The following TBC1D32 variants were observed in gnomAD, a reference collection of about 807,000 sequenced individuals.
The protein encoded by TBC1D32 is TBC1 domain family member 32, also known as protein broad-minded.
A neutral mutation model predicts 170.3 loss-of-function variants in TBC1D32; 151 were observed. The observed-to-expected ratio is 0.89, with a 90% confidence interval of 0.78 to 1.01. The LOEUF (loss-of-function observed/expected upper bound fraction) is 1.01. Among genes scored for constraint, TBC1D32 ranks in the 50% least tolerant of loss-of-function variants. The pLI is 0.00. For missense variants in TBC1D32, 1,464 were observed against 1,457.1 expected, an observed-to-expected ratio of 1.00 and a Z score of -0.08; for synonymous variants, 498 against 488.0, an observed-to-expected ratio of 1.02 and a Z score of -0.27.
intron 29 of TBC1D32, among the ~76,000 whole-genome samples, chr6:121,110,033 C>T (rs1779053114): frequency 2.6e-5 from 4 of 151,732 alleles, no homozygotes; most frequent in South Asian, 2.1e-4. Context: ...TGGCAGAGCA[C>T]GAAGTCAGGA....
At chr6:121,275,118 G>A (rs778077266) in intron 15 of TBC1D32, among the ~76,000 whole-genome samples, 7 of 152,158 alleles carry the variant, frequency 4.6e-5, no homozygotes, top group Non-Finnish European at 1.0e-4. Flanking sequence ...GTATTGCACC[G>A]ATGGAGAATG....
chr6:121,326,634 C>T (rs1314144343), intron 1 of TBC1D32, among the ~76,000 whole-genome samples: 1 of 152,018 alleles, frequency 6.6e-6, no homozygotes, highest in African/African-American at 2.4e-5. Flanking sequence ...TACCTATGAC[C>T]ACAGTAATAT....
rs1375498801 is a variant in TBC1D32 at position 121,113,169 on chromosome 6, T to C, written c.3062A>G (p.Lys1021Arg). The change falls in exon 28 of 32, where the codon AAA becomes AGA. Residue 1021 changes from lysine to arginine, a missense_variant. This residue lies in a region of TBC1D32 where 1,363 missense variants were observed against 1,338.1 expected (regional missense o/e 1.02). Transcript: ENST00000398212. ...ACCATCTTTTAAGAGACTGAGGAAT[T>C]TGCCATACCTATATTAAAAGCCCAC... The part of the protein sequence containing the change: ...LGIKMTVRYG[K>R]FLSLLKDGAE... 4 of 1,601,836 alleles carry C rather than the reference T, an allele frequency of 2.5e-6. No homozygotes were observed. Among genetic ancestry groups the C allele is most frequent in the Non-Finnish European group, 3.4e-6 (4 of 1,175,380 alleles).
At chr6:121,200,222 T>C (rs1791360337) in intron 22 of TBC1D32, among the ~76,000 whole-genome samples, 1 of 151,386 alleles carries the variant, frequency 6.6e-6, no homozygotes, top group African/African-American at 2.5e-5. Flanking sequence ...TTAATATATA[T>C]TTAACTAAGA....
At position 121,308,712 on chromosome 6, in the gene TBC1D32, G is replaced by A. The variant is rs542180431; in HGVS notation, c.565-611C>T. ...TTTTTTTTTTTTTTTTTTTTGAGAC[G>A]GAGTCTCGCTCTGTCGCCCAGGCCA... On this transcript the variant is annotated intron_variant, in intron 4 of 31. Coordinates refer to ENST00000398212, the MANE Select transcript of TBC1D32 (RefSeq NM_152730.6). Among the ~76,000 whole-genome samples, 34 of 45,998 alleles carry A rather than the reference G, an allele frequency of 7.4e-4. No homozygotes were observed. In the South Asian group the frequency reaches 0.032, roughly 43 times the overall value. The allele number at this position is 45,998 out of a possible 152,430, so 30.2% of individuals were successfully genotyped here. A position where few individuals can be genotyped will look rare whatever the true frequency, so the allele number is the denominator to read the frequency against.
In TBC1D32 at chr6:121,255,319, T is replaced by G; in HGVS notation, c.2018+9A>C. Reference sequence around the variant, plus strand: ...TAATAAATGCATGACTTTCATCAATTGTACTTACATGTTTTGGGATTCCTG... The same window carrying G: ...TAATAAATGCATGACTTTCATCAATGGTACTTACATGTTTTGGGATTCCTG... On this transcript the variant is annotated intron_variant, in intron 17 of 31. Transcript: ENST00000398212. 1 of 1,506,750 alleles carries G rather than the reference T, an allele frequency of 6.6e-7. No individual in the cohort carries two copies. Among genetic ancestry groups the G allele is most frequent in the South Asian group, 1.3e-5 (1 of 79,772 alleles). 93.3% of individuals were successfully genotyped at this position (1,506,750 alleles called of 1,614,324 possible).
intron 22 of TBC1D32, among the ~76,000 whole-genome samples, chr6:121,169,361 T>C (rs923357204): frequency 1.1e-4 from 16 of 152,090 alleles, no homozygotes; most frequent in Non-Finnish European, 1.5e-5. Context: ...GAACTGGCTA[T>C]CTATTTGCAG....
intron 29 of TBC1D32, among the ~76,000 whole-genome samples, chr6:121,110,055 T>C (rs1779055208): frequency 1.3e-5 from 2 of 151,780 alleles, no homozygotes; most frequent in Admixed American, 6.6e-5. Context: ...ATCGAGACCA[T>C]CCTGGCTAAC....
chr6:121,235,383 G>A (rs1450949021), intron 20 of TBC1D32, among the ~76,000 whole-genome samples: 2 of 152,118 alleles, frequency 1.3e-5, no homozygotes, highest in African/African-American at 2.4e-5. Context: ...GCAGGGAGAG[G>A]CGTGTCTGAG....
intron 15 of TBC1D32, among the ~76,000 whole-genome samples, chr6:121,261,165 GA>G (rs1799715869): frequency 6.6e-6 from 1 of 152,164 alleles, no homozygotes; most frequent in African/African-American, 2.4e-5. Context: ...AAGAAGGGGT[GA>G]CCGCAGTCTC....
At chr6:121,259,605 C>G (rs1025262099) in intron 15 of TBC1D32, among the ~76,000 whole-genome samples, 2 of 151,922 alleles carry the variant, frequency 1.3e-5, no homozygotes, top group Non-Finnish European at 2.9e-5. Context: ...CCCCCAAAGA[C>G]AAGGAGAATG....
rs548490962 is a variant in TBC1D32, at chr6:121,112,634, G to A, written c.3195C>T (p.Gly1065=). ...ACAGAGAAGATACAAACCAGTCATG[G>A]CCAGCATAATTCCCTTGCAGGCAGA... ...SLLCLQGNYA[G]HDWFVSSLFM... Residue 1065 remains glycine (G), a synonymous_variant, in exon 29 of 32, where the codon GGC becomes GGT. Coordinates refer to ENST00000398212, the MANE Select transcript of TBC1D32 (RefSeq NM_152730.6). 3 of 1,595,828 alleles carry A rather than the reference G, an allele frequency of 1.9e-6. No homozygotes were observed. In the South Asian group the frequency reaches 3.5e-5, roughly 18 times the overall value.
intron 20 of TBC1D32, among the ~76,000 whole-genome samples, chr6:121,234,872 G>A (rs1413926897): frequency 6.6e-6 from 1 of 152,030 alleles, no homozygotes; most frequent in Non-Finnish European, 1.5e-5. Flanking sequence ...GGGATTCAAG[G>A]GCTGCTGTTC....
chr6:121,239,221 G>C (rs776532989), intron 19 of TBC1D32, 33 bp from the exon 20 acceptor site: 1 of 1,284,986 alleles, frequency 7.8e-7, no homozygotes. Context: ...GTCATTTATA[G>C]CATAATATTT....
At chr6:121,092,293 GTTTTTTTTTTTTTTTTTT>G (rs1160372863) in intron 30 of TBC1D32, among the ~76,000 whole-genome samples, 3 of 50,388 alleles carry the variant, frequency 6.0e-5, no homozygotes, top group South Asian at 2.0e-3. Context: ...TCAGTTTTAT[GTTTTTTTTTTTTTTTTTT>G]TTTTTTTTTT....
intron 24 of TBC1D32, among the ~76,000 whole-genome samples, chr6:121,134,394 T>C (rs1338838756): frequency 2.6e-5 from 4 of 152,118 alleles, no homozygotes; most frequent in Non-Finnish European, 5.9e-5. Context: ...TGCTTTCTCA[T>C]CATCTCATTC....
At chr6:121,233,435 G>A (rs1212899953) in intron 20 of TBC1D32, among the ~76,000 whole-genome samples, 1 of 151,836 alleles carries the variant, frequency 6.6e-6, no homozygotes, top group African/African-American at 2.4e-5. Flanking sequence ...TTTTCCTGTG[G>A]GACTAGTCTT....
chr6:121,232,881 C>T (rs1366288087), intron 20 of TBC1D32, among the ~76,000 whole-genome samples: 2 of 151,904 alleles, frequency 1.3e-5, no homozygotes, highest in African/African-American at 2.4e-5. Flanking sequence ...CTCTTAGCCC[C>T]GCTTTTGCTG....
chr6:121,161,951 T>G (rs1027154501), intron 22 of TBC1D32, among the ~76,000 whole-genome samples: 1 of 152,264 alleles, frequency 6.6e-6, no homozygotes, highest in Admixed American at 6.5e-5. Flanking sequence ...AAACTTTTTT[T>G]CATATGTTTG....
Sources: allele counts gnomAD v4.1 joint callset (sites outside exome capture counted in the v4.1 genomes callset), GRCh38; gene constraint gnomAD v4.1.1; regional missense constraint gnomAD v4.1.1; transcripts MANE v1.5; gene names NCBI Gene and HGNC (gene_info 2026-07-23, HGNC 2026-07-21).